The following RARB variants were observed in gnomAD, a reference collection of about 807,000 sequenced individuals.
RARB encodes HBV-activated protein.
In RARB, 17 loss-of-function variants were observed where a neutral mutation model predicts 51.9. The ratio of observed to expected loss-of-function variants is 0.33; its 90% confidence interval spans 0.22 to 0.49. RARB has a LOEUF of 0.49. Among genes scored for constraint, RARB ranks in the 20% least tolerant of loss-of-function variants. RARB has a pLI of 0.99. For synonymous variants in RARB, 215 were observed against 195.4 expected, an observed-to-expected ratio of 1.10 and a Z score of -0.84; for missense variants, 369 against 550.8, an observed-to-expected ratio of 0.67 and a Z score of 3.30.
chr3:25,081,256 T>C lies in RARB; in HGVS notation c.-328+21080T>C, dbSNP rs368163969. ...TTTCACTGTTGGTTTCTAATTGAATTCAGGTATGTTCAGAGAACATACTCT... is the reference window on the plus strand; with the variant it reads ...TTTCACTGTTGGTTTCTAATTGAATCCAGGTATGTTCAGAGAACATACTCT... On this transcript the variant is annotated intron_variant, in intron 3 of 11. Transcript: ENST00000383772. 7.2e-5 allele frequency among the ~76,000 whole-genome samples: 11 copies of C among 152,208 alleles called. No individual in the cohort carries two copies. The East Asian group carries it at 2.1e-3, about 29-fold the overall frequency.
intron 3 of RARB, among the ~76,000 whole-genome samples, chr3:25,516,281 A>C (rs1299157861): frequency 6.6e-6 from 1 of 152,230 alleles, no homozygotes; most frequent in East Asian, 1.9e-4. Flanking sequence ...AACAGCTAAA[A>C]AAAGATAATG....
At chr3:25,374,766 A>G (rs1706405937) in intron 5 of RARB, among the ~76,000 whole-genome samples, 2 of 152,166 alleles carry the variant, frequency 1.3e-5, no homozygotes, top group African/African-American at 4.8e-5. Flanking sequence ...AGTGGATTCA[A>G]CCTAAACGTG....
intron 2 of RARB, among the ~76,000 whole-genome samples, chr3:24,924,741 G>T (rs536110590): frequency 1.3e-5 from 2 of 152,070 alleles, no homozygotes; most frequent in African/African-American, 4.8e-5. Context: ...ATATAGCATT[G>T]TACTTTCCAG....
At chr3:25,205,604 G>T (rs1292673099) in intron 5 of RARB, among the ~76,000 whole-genome samples, 1 of 152,088 alleles carries the variant, frequency 6.6e-6, no homozygotes, top group East Asian at 1.9e-4. Context: ...AAAAATAAAT[G>T]CTTGAGGTGA....
intron 5 of RARB, among the ~76,000 whole-genome samples, chr3:25,332,078 C>T (rs1396938010): frequency 6.6e-6 from 1 of 152,114 alleles, no homozygotes; most frequent in Non-Finnish European, 1.5e-5. Flanking sequence ...GGATTCACAG[C>T]CAAATTCTAC....
intron 5 of RARB, among the ~76,000 whole-genome samples, chr3:25,403,971 C>G (rs982332887): frequency 1.4e-5 from 2 of 143,066 alleles, no homozygotes; most frequent in Admixed American, 7.1e-5. Context: ...TAACTTTTTA[C>G]TGAATATTTC....
At chr3:25,123,626 T>A (rs539584934) in intron 3 of RARB, among the ~76,000 whole-genome samples, 65 of 152,296 alleles carry the variant, frequency 4.3e-4, no homozygotes, top group African/African-American at 1.5e-3. Context: ...CTTATGTTTC[T>A]CCTTGCAAAC....
chr3:25,455,779 A>G (rs1694876709), intron 1 of RARB, among the ~76,000 whole-genome samples: 1 of 152,182 alleles, frequency 6.6e-6, no homozygotes, highest in Non-Finnish European at 1.5e-5. Flanking sequence ...AGGGAAGCCC[A>G]TCTGGTTAGC....
intron 5 of RARB, among the ~76,000 whole-genome samples, chr3:25,418,108 G>A (rs1160920247): frequency 2.0e-5 from 3 of 152,194 alleles, no homozygotes; most frequent in East Asian, 1.9e-4. Flanking sequence ...TGATCACATT[G>A]TGTTGATGAG....
chr3:25,152,451 T>C (rs901473958), intron 4 of RARB, among the ~76,000 whole-genome samples: 1 of 152,112 alleles, frequency 6.6e-6, no homozygotes, highest in East Asian at 1.9e-4. Flanking sequence ...GAGGGGAAAA[T>C]GGTTATCGAC....
intron 2 of RARB, among the ~76,000 whole-genome samples, chr3:24,865,902 AACTTTT>A (rs1314734825): frequency 6.6e-6 from 1 of 152,098 alleles, no homozygotes; most frequent in Non-Finnish European, 1.5e-5. Flanking sequence ...ACACTTGTGA[AACTTTT>A]ATTTTTATGC....
chr3:25,085,547 CCT>C (rs947464009), intron 3 of RARB, among the ~76,000 whole-genome samples: 74 of 152,196 alleles, frequency 4.9e-4, no homozygotes, highest in African/African-American at 1.7e-3. Flanking sequence ...TCATCTGGCC[CCT>C]GTCAATTTTT....
chr3:24,946,184 G>A (rs1359309945), intron 2 of RARB, among the ~76,000 whole-genome samples: 1 of 149,180 alleles, frequency 6.7e-6, no homozygotes, highest in Non-Finnish European at 1.5e-5. Context: ...AGAATGGCGT[G>A]AACCTGGAGG....
chr3:25,028,383 G>A (rs938601925), intron 2 of RARB, among the ~76,000 whole-genome samples: 2 of 152,106 alleles, frequency 1.3e-5, no homozygotes, highest in African/African-American at 2.4e-5. Context: ...TTCCCAAAGT[G>A]AAGTCCCTGG....
chr3:25,074,843 G>T (rs769284053), intron 3 of RARB, among the ~76,000 whole-genome samples: 21 of 152,054 alleles, frequency 1.4e-4, no homozygotes, highest in Non-Finnish European at 2.6e-4. Flanking sequence ...AGGGTCACTG[G>T]GGCCAGGACT....
chr3:25,468,951 GC>G (rs1350601627), intron 2 of RARB, among the ~76,000 whole-genome samples: 2 of 152,252 alleles, frequency 1.3e-5, no homozygotes, highest in Non-Finnish European at 2.9e-5. Flanking sequence ...GCCTGGCACA[GC>G]CGTGATGGCG....
intron 5 of RARB, among the ~76,000 whole-genome samples, chr3:25,414,448 G>A (rs1707649064): frequency 6.6e-6 from 1 of 152,204 alleles, no homozygotes; most frequent in Non-Finnish European, 1.5e-5. Flanking sequence ...GCATGGAATG[G>A]CAGGATCACT....
Position 25,597,639 on chromosome 3 carries a change from C to CAA in RARB, c.*1024_*1025dup, listed in dbSNP as rs371314595. The CAA allele has an allele frequency of 6.6e-6, 1 of 151,362 alleles. No homozygotes were observed. Among genetic ancestry groups the CAA allele is most frequent in the Non-Finnish European group, 1.5e-5 (1 of 67,750 alleles). 9.4% of individuals were successfully genotyped at this position (151,362 alleles called of 1,614,324 possible). On this transcript the variant is annotated 3_prime_UTR_variant, in exon 8 of 8. Transcript: ENST00000330688. Reference sequence around the variant, plus strand: ...ATGCCAAGGGGCTAATTAATATTAACAACTCCCAAAGAAACAGGCATAGAA... The same window carrying CAA: ...ATGCCAAGGGGCTAATTAATATTAACAAAACTCCCAAAGAAACAGGCATAGAA...
Position 25,354,399 on chromosome 3 carries a change from C to T in RARB, c.179-106794C>T, listed in dbSNP as rs1263951027. Among the ~76,000 whole-genome samples the T allele has an allele frequency of 7.9e-5, 12 of 152,098 alleles. 1 individual carries two copies. On this transcript the variant is annotated intron_variant, in intron 5 of 11. Coordinates refer to the RARB transcript ENST00000383772. ...ATGTTTTTCCTGTCTGGAATTTCCTCTTGGGGGTGGTCTGTTCTTCTCGTT... is the reference window on the plus strand; with the variant it reads ...ATGTTTTTCCTGTCTGGAATTTCCTTTTGGGGGTGGTCTGTTCTTCTCGTT...
Sources: allele counts gnomAD v4.1 joint callset (sites outside exome capture counted in the v4.1 genomes callset), GRCh38; gene constraint gnomAD v4.1.1; transcripts MANE v1.5; gene names NCBI Gene and HGNC (gene_info 2026-07-23, HGNC 2026-07-21).